Variants in PDE4D observed in about 807,000 individuals in gnomAD.
PDE4D encodes 3',5'-cyclic-AMP phosphodiesterase 4D.
PDE4D carries 24 observed loss-of-function variants against 87.4 expected under a neutral mutation model. That is an observed-to-expected ratio of 0.27 (90% CI 0.20 to 0.39). PDE4D has a LOEUF of 0.39. PDE4D is among the 10% of genes least tolerant of loss of function. The probability of loss-of-function intolerance (pLI) is 1.00; values close to 1 mark genes in which losing one functional copy is unlikely to be tolerated. For missense variants in PDE4D, 714 were observed against 1,041.0 expected, an observed-to-expected ratio of 0.69 and a Z score of 4.32; for synonymous variants, 384 against 383.2, an observed-to-expected ratio of 1.00 and a Z score of -0.02.
intron 1 of PDE4D, among the ~76,000 whole-genome samples, chr5:59,321,881 C>T (rs1774793718): frequency 6.6e-6 from 1 of 152,112 alleles, no homozygotes; most frequent in Non-Finnish European, 1.5e-5. Context: ...TGCACACACA[C>T]TATAAGGTCT....
At chr5:59,567,476 T>C (rs752638308) in intron 1 of PDE4D, among the ~76,000 whole-genome samples, 15 of 152,216 alleles carry the variant, frequency 9.9e-5, no homozygotes, top group Non-Finnish European at 1.9e-4. Context: ...GAGATAAACT[T>C]AAATTGTGGA....
At chr5:60,116,549 C>T (rs187882335) in intron 2 of PDE4D, among the ~76,000 whole-genome samples, 3 of 152,064 alleles carry the variant, frequency 2.0e-5, no homozygotes, top group Admixed American at 6.6e-5. Context: ...TTAATTCTGT[C>T]AGCTTTATAA....
At chr5:59,637,271 A>G (rs1040012742) in intron 1 of PDE4D, among the ~76,000 whole-genome samples, 1 of 152,226 alleles carries the variant, frequency 6.6e-6, no homozygotes, top group Non-Finnish European at 1.5e-5. Context: ...ATGTGGAGAA[A>G]TAGGAATGCT....
At chr5:59,550,825 T>C (rs1461206664) in intron 1 of PDE4D, among the ~76,000 whole-genome samples, 1 of 152,010 alleles carries the variant, frequency 6.6e-6, no homozygotes, top group Non-Finnish European at 1.5e-5. Flanking sequence ...GCCTCCTAAG[T>C]AGCTGGGATT....
intron 1 of PDE4D, among the ~76,000 whole-genome samples, chr5:59,701,928 T>G (rs938703236): frequency 6.6e-6 from 1 of 152,058 alleles, no homozygotes; most frequent in African/African-American, 2.4e-5. Flanking sequence ...GAGAGTGGCA[T>G]AAAGGTGTCA....
At chr5:60,260,170 G>C (rs977952057) in intron 1 of PDE4D, among the ~76,000 whole-genome samples, 1 of 151,696 alleles carries the variant, frequency 6.6e-6, no homozygotes, top group East Asian at 1.9e-4. Context: ...TGTTATATCT[G>C]TTAACATCCC....
chr5:59,582,440 A>T (rs1824340440), intron 1 of PDE4D, among the ~76,000 whole-genome samples: 1 of 152,148 alleles, frequency 6.6e-6, no homozygotes, highest in Admixed American at 6.6e-5. Flanking sequence ...GATAGGAAGG[A>T]TTATCTTTTC....
chr5:59,746,871 G>T (rs1759688749), intron 1 of PDE4D, among the ~76,000 whole-genome samples: 1 of 151,808 alleles, frequency 6.6e-6, no homozygotes, highest in African/African-American at 2.4e-5. Context: ...CTTCTCTGCT[G>T]CTTCCAGACC....
intron 2 of PDE4D, among the ~76,000 whole-genome samples, chr5:60,145,141 C>G (rs748074857): frequency 6.6e-6 from 1 of 152,120 alleles, no homozygotes. Flanking sequence ...TTCTGAAACA[C>G]TATTTAAATA....
At chr5:60,238,742 A>C (rs1037836136) in intron 1 of PDE4D, among the ~76,000 whole-genome samples, 1 of 152,006 alleles carries the variant, frequency 6.6e-6, no homozygotes, top group Non-Finnish European at 1.5e-5. Context: ...TACAAAATGC[A>C]TATTAATTTT....
chr5:59,454,780 A>T (rs971225141), intron 1 of PDE4D, among the ~76,000 whole-genome samples: 10 of 152,204 alleles, frequency 6.6e-5, no homozygotes, highest in Non-Finnish European at 1.5e-4. Flanking sequence ...GCTGACAGTG[A>T]TATGAACAAT....
At chr5:59,220,644 G>A (rs1407967894) in intron 1 of PDE4D, among the ~76,000 whole-genome samples, 2 of 151,820 alleles carry the variant, frequency 1.3e-5, no homozygotes, top group Non-Finnish European at 2.9e-5. Flanking sequence ...AGTCAGTTTG[G>A]GCTGAAATTA....
chr5:59,199,683 AT>A (rs747260251), intron 2 of PDE4D, among the ~76,000 whole-genome samples: 14 of 152,074 alleles, frequency 9.2e-5, no homozygotes, highest in Non-Finnish European at 1.8e-4. Flanking sequence ...GAATATAAAA[AT>A]ATTTCTGGGA....
At chr5:59,858,303 G>T (rs965718850) in intron 1 of PDE4D, among the ~76,000 whole-genome samples, 3 of 151,872 alleles carry the variant, frequency 2.0e-5, no homozygotes, top group African/African-American at 7.3e-5. Flanking sequence ...AAAGGGACTG[G>T]AGGGCCTAGA....
At chr5:60,495,381 G>C (rs1274301128) in intron 1 of PDE4D, among the ~76,000 whole-genome samples, 2 of 152,162 alleles carry the variant, frequency 1.3e-5, no homozygotes, top group Non-Finnish European at 2.9e-5. Flanking sequence ...TAAAATGGTA[G>C]ATCCCTGGCT....
chr5:59,421,703 A>AG (rs1227503228), intron 1 of PDE4D, among the ~76,000 whole-genome samples: 2 of 152,108 alleles, frequency 1.3e-5, no homozygotes, highest in African/African-American at 2.4e-5. Context: ...AGGAGTCTAA[A>AG]GGGGAGGAGT....
intron 1 of PDE4D, among the ~76,000 whole-genome samples, chr5:59,690,619 C>G (rs920655433): frequency 1.4e-4 from 22 of 151,948 alleles, no homozygotes; most frequent in Non-Finnish European, 2.8e-4. Context: ...AAAAACCCTA[C>G]AAGAAAACCT....
intron 3 of PDE4D, among the ~76,000 whole-genome samples, chr5:59,949,028 T>C (rs756259795): frequency 4.6e-5 from 7 of 152,226 alleles, no homozygotes; most frequent in Non-Finnish European, 1.0e-4. Flanking sequence ...ACTGCTAGTA[T>C]GTGGCAGAGG....
chr5:59,184,555 AT>A (rs34071921), intron 4 of PDE4D, among the ~76,000 whole-genome samples: 158 of 128,548 alleles, frequency 1.2e-3, no homozygotes, highest in Middle Eastern at 4.5e-3. Context: ...TTAATAGCAG[AT>A]TTTTTTTAAA....
Sources: allele counts gnomAD v4.1 joint callset (sites outside exome capture counted in the v4.1 genomes callset), GRCh38; gene constraint gnomAD v4.1.1; transcripts MANE v1.5; gene names NCBI Gene and HGNC (gene_info 2026-07-23, HGNC 2026-07-21).